Variants in PGCKA1 observed in about 807,000 individuals in gnomAD.
PGCKA1 encodes the protein PDCD10 and GCKIII kinases associated 1.
the PGCKA1 span, among the ~76,000 whole-genome samples, chr4:37,555,383 A>T: frequency 6.6e-6 from 1 of 152,232 alleles, no homozygotes; most frequent in East Asian, 1.9e-4. Flanking sequence ...TTATCAATTC[A>T]TAGAGGACAC....
At chr4:37,485,928 A>G in the PGCKA1 span, among the ~76,000 whole-genome samples, 1 of 152,206 alleles carries the variant, frequency 6.6e-6, no homozygotes, top group Admixed American at 6.5e-5. Context: ...CAGCTAGTCT[A>G]GCTCTGGCAG....
At chr4:37,563,412 G>A in the PGCKA1 span, among the ~76,000 whole-genome samples, 3 of 152,068 alleles carry the variant, frequency 2.0e-5, no homozygotes, top group Non-Finnish European at 4.4e-5. Flanking sequence ...AGCACCATTC[G>A]CTTTCGCTCA....
chr4:37,469,551 CAT>C, the PGCKA1 span, among the ~76,000 whole-genome samples: 1 of 152,034 alleles, frequency 6.6e-6, no homozygotes, highest in Non-Finnish European at 1.5e-5. Context: ...CAAGACAACA[CAT>C]AGAAAATTCC....
chr4:37,476,962 G>A, the PGCKA1 span, among the ~76,000 whole-genome samples: 1 of 152,048 alleles, frequency 6.6e-6, no homozygotes, highest in African/African-American at 2.4e-5. Flanking sequence ...AATGTAATAT[G>A]GTGCATCCAT....
At chr4:37,552,911 C>T in the PGCKA1 span, among the ~76,000 whole-genome samples, 1 of 152,194 alleles carries the variant, frequency 6.6e-6, no homozygotes, top group African/African-American at 2.4e-5. Context: ...CATCTTGTAA[C>T]CCCAAAATCC....
chr4:37,552,215 G>T, the PGCKA1 span, among the ~76,000 whole-genome samples: 4 of 152,330 alleles, frequency 2.6e-5, no homozygotes, highest in African/African-American at 9.6e-5. Context: ...TTGTGAAACT[G>T]CCTGCTGTGT....
At chr4:37,547,274 T>C in the PGCKA1 span, among the ~76,000 whole-genome samples, 1 of 152,242 alleles carries the variant, frequency 6.6e-6, no homozygotes, top group Non-Finnish European at 1.5e-5. Context: ...CTTAGATTGC[T>C]TGATACTTTG....
the PGCKA1 span, among the ~76,000 whole-genome samples, chr4:37,566,858 A>G: frequency 6.6e-6 from 1 of 152,226 alleles, no homozygotes; most frequent in Non-Finnish European, 1.5e-5. Flanking sequence ...CTGGGATTAC[A>G]GGTGTGAGCC....
At chr4:37,548,021 A>AGG in the PGCKA1 span, among the ~76,000 whole-genome samples, 9 of 141,972 alleles carry the variant, frequency 6.3e-5, no homozygotes, top group East Asian at 1.3e-3. Flanking sequence ...AGGAAAAAAA[A>AGG]AGGGGGGGAG....
chr4:37,483,283 C>T, the PGCKA1 span, among the ~76,000 whole-genome samples: 9,450 of 152,212 alleles, frequency 0.062, 365 homozygotes, highest in Middle Eastern at 0.088. Flanking sequence ...TCAATTAAAC[C>T]TCTTTTCTTT....
At chr4:37,492,495 C>A in the PGCKA1 span, among the ~76,000 whole-genome samples, 1 of 152,276 alleles carries the variant, frequency 6.6e-6, no homozygotes, top group South Asian at 2.1e-4. This position sits in a 1 kb window ranked among gnomAD's most constrained non-coding sequence, Gnocchi z 4.7. Flanking sequence ...TTGGTTGGAT[C>A]CTGTAACAAA....
At chr4:37,559,611 AAAAT>A in the PGCKA1 span, among the ~76,000 whole-genome samples, 1 of 152,094 alleles carries the variant, frequency 6.6e-6, no homozygotes, top group Non-Finnish European at 1.5e-5. Context: ...AAGATAAAAT[AAAAT>A]AAATTCAGTT....
chr4:37,524,325 G>A, the PGCKA1 span, among the ~76,000 whole-genome samples: 18 of 152,330 alleles, frequency 1.2e-4, no homozygotes, highest in African/African-American at 4.1e-4. Flanking sequence ...GTGGCTTGGG[G>A]ACTCTCACAA....
At chr4:37,483,542 A>G in the PGCKA1 span, among the ~76,000 whole-genome samples, 8 of 152,150 alleles carry the variant, frequency 5.3e-5, no homozygotes, top group African/African-American at 1.9e-4. Context: ...GAGTCCCAAT[A>G]CATGCTACGG....
At chr4:37,496,214 A>G in the PGCKA1 span, among the ~76,000 whole-genome samples, 1 of 152,156 alleles carries the variant, frequency 6.6e-6, no homozygotes, top group Non-Finnish European at 1.5e-5. Flanking sequence ...CCAAAATGGT[A>G]TTGCCTAGGT....
At chr4:37,540,975 A>G in the PGCKA1 span, among the ~76,000 whole-genome samples, 1 of 147,168 alleles carries the variant, frequency 6.8e-6, no homozygotes, top group African/African-American at 2.4e-5. Flanking sequence ...TGGAAGTTAA[A>G]GAAGGTAACA....
At chr4:37,511,389 G>A in the PGCKA1 span, among the ~76,000 whole-genome samples, 1 of 152,084 alleles carries the variant, frequency 6.6e-6, no homozygotes, top group African/African-American at 2.4e-5. Flanking sequence ...GGTTCTTCAA[G>A]GCCTAAGAGC....
the PGCKA1 span, among the ~76,000 whole-genome samples, chr4:37,557,427 A>G: frequency 6.6e-6 from 1 of 152,228 alleles, no homozygotes; most frequent in Non-Finnish European, 1.5e-5. Context: ...TAAACAACAG[A>G]AATTTCTCAG....
At chr4:37,588,999 G>A in the PGCKA1 span, 19 of 871,450 alleles carry the variant, frequency 2.2e-5, no homozygotes, top group East Asian at 4.4e-4. Context: ...TATCCAGCTT[G>A]GGGCATGATC....
Sources: allele counts gnomAD v4.1 joint callset (sites outside exome capture counted in the v4.1 genomes callset), GRCh38; gene constraint gnomAD v4.1.1; non-coding constraint Gnocchi (gnomAD v3.1); transcripts MANE v1.5; gene names NCBI Gene and HGNC (gene_info 2026-07-23, HGNC 2026-07-21).